The following KLF15 variants were observed in gnomAD, a reference collection of about 807,000 sequenced individuals.
The protein encoded by KLF15 is KLF transcription factor 15, also known as Krueppel-like factor 15.
KLF15 carries 4 observed loss-of-function variants against 24.6 expected under a neutral mutation model. That is an observed-to-expected ratio of 0.16 (90% CI 0.08 to 0.37). The LOEUF is 0.37. Ranked by LOEUF, KLF15 falls within the 10% of genes least tolerant of loss-of-function variation. The pLI is 1.00. For missense variants in KLF15, 496 were observed against 560.6 expected (o/e 0.88, Z 1.16); for synonymous variants, 246 against 236.3 (o/e 1.04, Z -0.37).
At chr3:126,316,151 C>A in the KLF15 span, among the ~76,000 whole-genome samples, 1 of 152,132 alleles carries the variant, frequency 6.6e-6, no homozygotes, top group East Asian at 1.9e-4. Context: ...TACTATCCGG[C>A]CCTTCACAAG....
At chr3:126,298,455 C>A in the KLF15 span, among the ~76,000 whole-genome samples, 5,273 of 143,270 alleles carry the variant, frequency 0.037, 156 homozygotes, top group African/African-American at 0.073. Flanking sequence ...AGCAGCTGTG[C>A]AGAAGCTTTT....
At chr3:126,339,181 C>G (rs1031200845), downstream of KLF15, among the ~76,000 whole-genome samples, 3 of 152,192 alleles carry the variant, frequency 2.0e-5, no homozygotes, top group African/African-American at 7.2e-5. Flanking sequence ...GGGCACAGAG[C>G]AGGACCTCAC....
chr3:126,351,720 C>T lies in KLF15; in HGVS notation c.1082+121G>A, dbSNP rs1374465169. 1.5e-5 allele frequency: 16 copies of T among 1,058,194 alleles called. 3 individuals are homozygous for T. The highest frequency in any genetic ancestry group is 2.1e-5 in the Non-Finnish European group (16 of 747,726). 65.6% of individuals were successfully genotyped at this position (1,058,194 alleles called of 1,614,324 possible). On this transcript the variant is annotated intron_variant, in intron 2 of 2. Transcript: ENST00000296233. ...CAGCTCTGGGCCTGCACCCGCCTGCCCCTCCCTCCCCTCCCTCATCTACCT... is the reference window on the plus strand; with the variant it reads ...CAGCTCTGGGCCTGCACCCGCCTGCTCCTCCCTCCCCTCCCTCATCTACCT...
the KLF15 span, among the ~76,000 whole-genome samples, chr3:126,330,700 A>G: frequency 6.6e-6 from 1 of 152,124 alleles, no homozygotes; most frequent in African/African-American, 2.4e-5. Flanking sequence ...TGATGAATAC[A>G]GTGCTCTTCC....
the KLF15 span, among the ~76,000 whole-genome samples, chr3:126,303,657 C>T: frequency 1.3e-5 from 2 of 151,760 alleles, no homozygotes; most frequent in Admixed American, 6.6e-5. Context: ...GATATTCTTG[C>T]ATCTGTAGAT....
the KLF15 span, among the ~76,000 whole-genome samples, chr3:126,313,256 G>A: frequency 5.3e-5 from 8 of 152,180 alleles, no homozygotes; most frequent in East Asian, 3.9e-4. Flanking sequence ...GAGACAGGCC[G>A]TGGGAGAATC....
chr3:126,331,210 T>A, the KLF15 span, among the ~76,000 whole-genome samples: 1 of 151,918 alleles, frequency 6.6e-6, no homozygotes, highest in Non-Finnish European at 1.5e-5. Flanking sequence ...TCTGTGGAGG[T>A]CTTAGGAGTG....
At chr3:126,322,682 C>T in the KLF15 span, among the ~76,000 whole-genome samples, 1 of 152,196 alleles carries the variant, frequency 6.6e-6, no homozygotes, top group East Asian at 1.9e-4. Context: ...ATAGTACCTT[C>T]ATAACTTCAA....
chr3:126,316,283 C>T, the KLF15 span, among the ~76,000 whole-genome samples: 1 of 147,876 alleles, frequency 6.8e-6, no homozygotes, highest in Non-Finnish European at 1.5e-5. Context: ...AGTGCATGGG[C>T]CAGAATGGGG....
At chr3:126,329,102 T>C in the KLF15 span, among the ~76,000 whole-genome samples, 9 of 152,350 alleles carry the variant, frequency 5.9e-5, no homozygotes, top group South Asian at 1.9e-3. Flanking sequence ...CTATTTCTTG[T>C]ACCTTTATAA....
chr3:126,308,221 G>A, the KLF15 span, among the ~76,000 whole-genome samples: 5,288 of 152,260 alleles, frequency 0.035, 307 homozygotes, highest in African/African-American at 0.12. Flanking sequence ...AGCGAATATC[G>A]GTGGAGGTAC....
In KLF15 at chr3:126,342,860, A is replaced by G. The variant is rs2082489632; in HGVS notation, c.*867T>C. On this transcript the variant is annotated 3_prime_UTR_variant, in exon 3 of 3. Coordinates refer to ENST00000296233, the MANE Select transcript of KLF15 (RefSeq NM_014079.4). ...TGAAATAAACCTGTCAAAACAAGCT[A>G]GTTCATTTATTAATTTCTAGACAAA... 1 of 152,536 alleles carries G rather than the reference A, an allele frequency of 6.6e-6. No homozygotes were observed. The highest frequency in any genetic ancestry group is 1.5e-5 in the Non-Finnish European group (1 of 68,010). The allele number at this position is 152,536 out of a possible 1,614,324, so 9.4% of individuals were successfully genotyped here. A position where few individuals can be genotyped will look rare whatever the true frequency, so the allele number is the denominator to read the frequency against.
the KLF15 span, among the ~76,000 whole-genome samples, chr3:126,315,399 G>T: frequency 6.6e-6 from 1 of 152,202 alleles, no homozygotes; most frequent in Non-Finnish European, 1.5e-5. Context: ...GAAGCTAAGT[G>T]GTAGGATGGG....
At chr3:126,301,904 C>T in the KLF15 span, among the ~76,000 whole-genome samples, 14,208 of 151,622 alleles carry the variant, frequency 0.094, 761 homozygotes, top group South Asian at 0.18. Context: ...AGTGAGCCAC[C>T]GTGCCCAGAC....
downstream of KLF15, among the ~76,000 whole-genome samples, chr3:126,342,126 C>T (rs1205638422): frequency 6.6e-6 from 1 of 152,210 alleles, no homozygotes; most frequent in African/African-American, 2.4e-5. Context: ...ATATACTGGC[C>T]TCTCCGAGTC....
chr3:126,349,594 G>A (rs183908090), intron 2 of KLF15, among the ~76,000 whole-genome samples: 2 of 152,274 alleles, frequency 1.3e-5, no homozygotes, highest in African/African-American at 4.8e-5. Flanking sequence ...TGGGCTGAGG[G>A]GCCTATCAGC....
the KLF15 span, among the ~76,000 whole-genome samples, chr3:126,307,526 G>C: frequency 2.0e-5 from 3 of 152,196 alleles, no homozygotes; most frequent in Admixed American, 1.3e-4. Flanking sequence ...GTCTAAAAGA[G>C]GGTGCTAATG....
At chr3:126,329,525 C>T in the KLF15 span, among the ~76,000 whole-genome samples, 3 of 152,044 alleles carry the variant, frequency 2.0e-5, no homozygotes, top group African/African-American at 7.2e-5. Context: ...AAAACAAAAC[C>T]AAACAATTTA....
chr3:126,323,142 A>T, the KLF15 span, among the ~76,000 whole-genome samples: 3,647 of 150,866 alleles, frequency 0.024, 122 homozygotes, highest in African/African-American at 0.071. Flanking sequence ...CAAATATAAA[A>T]AGAGTGTAAA....
Sources: gnomAD v4.1 joint callset for allele counts (sites outside exome capture counted in the v4.1 genomes callset) on GRCh38, gnomAD v4.1.1 for gene constraint, MANE v1.5 for transcripts, NCBI Gene and HGNC (gene_info 2026-07-23, HGNC 2026-07-21) for gene names.